CMSS1: variants seen among roughly 807,000 people sequenced by gnomAD.
CMSS1 encodes protein CMSS1.
CMSS1 carries 33 observed loss-of-function variants against 43.5 expected under a neutral mutation model. The observed-to-expected ratio is 0.76, with a 90% CI of 0.57 to 1.01. The LOEUF is 1.01. CMSS1 is among the 50% of genes least tolerant of loss of function. The pLI is 0.00. For missense variants in CMSS1, 313 were observed against 326.4 expected (o/e 0.96, Z 0.32); for synonymous variants, 115 against 117.2 (o/e 0.98, Z 0.12).
chr3:99,991,610 C>A (rs1358583302), intron 1 of CMSS1, among the ~76,000 whole-genome samples: 3 of 151,992 alleles, frequency 2.0e-5, no homozygotes, highest in African/African-American at 7.3e-5. Context: ...CTGCCACCTT[C>A]CCACCTTTTG....
In CMSS1 at chr3:100,075,359, C is replaced by T. The variant is rs146137307; in HGVS notation, c.65-71614C>T. Among the ~76,000 whole-genome samples, 761 of 152,290 alleles carry T rather than the reference C, an allele frequency of 5.0e-3. 5 individuals carry two copies. The highest frequency in any genetic ancestry group is 0.017 in the African/African-American group (716 of 41,548). On this transcript the variant is annotated intron_variant, in intron 1 of 9. Coordinates refer to ENST00000421999, the MANE Select transcript of CMSS1 (RefSeq NM_032359.4). ...ACAGTCTGGTTCTCATCCTCGTGTC[C>T]TTTACCCTACAGGAGAGAAGGGCTT...
At chr3:99,926,140 C>CATGTACTTGACTAGAA (rs1307894740) in intron 1 of CMSS1, among the ~76,000 whole-genome samples, 1 of 152,216 alleles carries the variant, frequency 6.6e-6, no homozygotes, top group African/African-American at 2.4e-5. Flanking sequence ...TCCTAAAAAG[C>CATGTACTTGACTAGAA]ATGTACTTGA....
In CMSS1 at chr3:100,177,093, C is replaced by T. The variant is rs138303499; in HGVS notation, c.756+678C>T. Reference sequence around the variant, plus strand: ...GTTAGGAAAAAAAATGATTACCAGTCACTAACCAAGAACAAATCATGGCAG... The same window carrying T: ...GTTAGGAAAAAAAATGATTACCAGTTACTAACCAAGAACAAATCATGGCAG... On this transcript the variant is annotated intron_variant, in intron 9 of 9. Coordinates refer to ENST00000421999, the MANE Select transcript of CMSS1 (RefSeq NM_032359.4). 3.7e-3 allele frequency among the ~76,000 whole-genome samples: 569 copies of T among 152,282 alleles called. 2 individuals carry two copies. The highest frequency in any genetic ancestry group is 0.013 in the African/African-American group (541 of 41,562).
At chr3:99,898,764 TA>T (rs35626116) in intron 1 of CMSS1, 37,595 of 123,500 alleles carry the variant, frequency 0.3, 5,640 homozygotes, top group African/African-American at 0.42. Context: ...AGACTCCATC[TA>T]AAAAAAAAAA....
chr3:99,875,344 A>G (rs1394325071), intron 1 of CMSS1, among the ~76,000 whole-genome samples: 1 of 152,164 alleles, frequency 6.6e-6, no homozygotes, highest in Non-Finnish European at 1.5e-5. Flanking sequence ...TATAAGTTTT[A>G]CCTTTTAAAT....
chr3:100,070,843 A>C (rs1401234824), intron 1 of CMSS1, among the ~76,000 whole-genome samples: 4 of 152,094 alleles, frequency 2.6e-5, no homozygotes, highest in African/African-American at 7.2e-5. Context: ...GTTGGCCAGG[A>C]TATTCACGAA....
chr3:99,985,196 G>A (rs888113754), intron 1 of CMSS1, among the ~76,000 whole-genome samples: 1 of 152,148 alleles, frequency 6.6e-6, no homozygotes, highest in African/African-American at 2.4e-5. Context: ...TGTTTTAAAA[G>A]GTTGAGAAAA....
intron 1 of CMSS1, among the ~76,000 whole-genome samples, chr3:99,943,577 G>A (rs911776356): frequency 1.3e-5 from 2 of 151,978 alleles, no homozygotes; most frequent in Admixed American, 6.6e-5. Flanking sequence ...GGTGGCATGC[G>A]CCTGTAGTCC....
rs985565239 is a variant in CMSS1 at position 100,178,423 on chromosome 3, T to C, written c.*35T>C. ...CTAATGAAGATTCCAGTTTTCACAG[T>C]AGAAGTTGCATCTTATTTAATGACT... On this transcript the variant is annotated 3_prime_UTR_variant, in exon 10 of 10. Transcript: ENST00000421999. 3.7e-6 allele frequency: 5 copies of C among 1,339,894 alleles called. No homozygotes were observed. In the African/African-American group the frequency reaches 5.8e-5, roughly 16 times the overall value. 83.0% of individuals were successfully genotyped at this position (1,339,894 alleles called of 1,614,324 possible).
At chr3:100,007,814 GGCCACT>G (rs1382021096) in intron 1 of CMSS1, among the ~76,000 whole-genome samples, 9 of 152,176 alleles carry the variant, frequency 5.9e-5, no homozygotes, top group Non-Finnish European at 7.4e-5. Context: ...ACAGGGAATT[GGCCACT>G]GCCAGCCACT....
chr3:100,151,679 A>G (rs1296384699), intron 2 of CMSS1, among the ~76,000 whole-genome samples: 2 of 152,230 alleles, frequency 1.3e-5, no homozygotes, highest in African/African-American at 2.4e-5. Context: ...GAGATTACAA[A>G]GGAATATGAG....
At chr3:100,085,046 C>T (rs2065986251) in intron 1 of CMSS1, among the ~76,000 whole-genome samples, 1 of 152,150 alleles carries the variant, frequency 6.6e-6, no homozygotes. Flanking sequence ...ATGTATGGTA[C>T]AGATCTCTGC....
intron 1 of CMSS1, among the ~76,000 whole-genome samples, chr3:100,086,898 A>G (rs1402907138): frequency 6.6e-6 from 1 of 151,820 alleles, no homozygotes; most frequent in Non-Finnish European, 1.5e-5. Context: ...GTAACTACTG[A>G]TTTTTTTTCT....
intron 1 of CMSS1, among the ~76,000 whole-genome samples, chr3:100,122,909 CA>C (rs2066633536): frequency 6.6e-6 from 1 of 152,116 alleles, no homozygotes; most frequent in Admixed American, 6.5e-5. Context: ...GCCTTCTTTA[CA>C]AAAAATTTAT....
chr3:99,894,540 C>A (rs892321621), intron 1 of CMSS1, among the ~76,000 whole-genome samples: 1 of 152,126 alleles, frequency 6.6e-6, no homozygotes, highest in Non-Finnish European at 1.5e-5. Context: ...TAGGATAATG[C>A]TGAATTTACT....
intron 6 of CMSS1, among the ~76,000 whole-genome samples, chr3:100,170,746 C>T (rs139323342): frequency 3.9e-4 from 60 of 152,286 alleles, no homozygotes; most frequent in African/African-American, 1.4e-3. Flanking sequence ...GGCAGGTGCA[C>T]CAGCGCCGTC....
chr3:100,050,517 A>G (rs756233618), intron 1 of CMSS1, among the ~76,000 whole-genome samples: 2 of 151,968 alleles, frequency 1.3e-5, no homozygotes, highest in African/African-American at 2.4e-5. Flanking sequence ...AATTCCCACA[A>G]TTTGTTTGTT....
chr3:99,918,134 C>T (rs1165689283), intron 1 of CMSS1, among the ~76,000 whole-genome samples: 3 of 152,006 alleles, frequency 2.0e-5, no homozygotes, highest in East Asian at 1.9e-4. Context: ...CGCGGCACCA[C>T]GCCCGGCTAA....
chr3:99,844,452 G>T (rs1202754795), intron 1 of CMSS1, among the ~76,000 whole-genome samples: 4 of 152,026 alleles, frequency 2.6e-5, no homozygotes, highest in Admixed American at 6.6e-5. Flanking sequence ...CAGAAACCAG[G>T]GTATAGGAAA....
Sources: allele counts gnomAD v4.1 joint callset (sites outside exome capture counted in the v4.1 genomes callset), GRCh38; gene constraint gnomAD v4.1.1; transcripts MANE v1.5; gene names NCBI Gene and HGNC (gene_info 2026-07-23, HGNC 2026-07-21).